The following HMGA2 variants were observed in gnomAD, a reference collection of about 807,000 sequenced individuals.
HMGA2 encodes the protein high mobility group protein HMGI-C.
HMGA2 carries 8 observed loss-of-function variants against 19.1 expected under a neutral mutation model. The ratio of observed to expected loss-of-function variants is 0.42; its 90% CI spans 0.25 to 0.76. The LOEUF (loss-of-function observed/expected upper bound fraction) is 0.76. Among genes scored for constraint, HMGA2 ranks in the 30% least tolerant of loss-of-function variants. The probability of loss-of-function intolerance (pLI) is 0.28; values close to 1 mark genes in which losing one functional copy is unlikely to be tolerated. For synonymous variants in HMGA2, 60 were observed against 48.8 expected, an observed-to-expected ratio of 1.23 and a Z score of -0.96; for missense variants, 109 against 136.3, an observed-to-expected ratio of 0.80 and a Z score of 1.00.
intron 2 of HMGA2, among the ~76,000 whole-genome samples, chr12:65,837,175 C>T (rs1287237677): frequency 6.6e-6 from 1 of 152,152 alleles, no homozygotes; most frequent in Non-Finnish European, 1.5e-5. Context: ...ATTTTAAATG[C>T]TCAATATTTG....
At chr12:65,922,283 A>T (rs372677705) in intron 3 of HMGA2, among the ~76,000 whole-genome samples, 8 of 152,258 alleles carry the variant, frequency 5.3e-5, no homozygotes, top group Admixed American at 2.0e-4. Context: ...GCTGGGAGGG[A>T]GGCTGTACCC....
At chr12:65,837,688 T>G (rs1459737513) in intron 2 of HMGA2, among the ~76,000 whole-genome samples, 2 of 152,220 alleles carry the variant, frequency 1.3e-5, no homozygotes, top group African/African-American at 4.8e-5. Context: ...ACGGAAAAAC[T>G]AATTGCTTTA....
chr12:65,865,237 G>A (rs1283791038), intron 3 of HMGA2, among the ~76,000 whole-genome samples: 1 of 152,122 alleles, frequency 6.6e-6, no homozygotes, highest in East Asian at 1.9e-4. Flanking sequence ...TCAACAGTAG[G>A]CTATTAGCAG....
At chr12:65,939,551 T>A (rs1275634007) in intron 3 of HMGA2, among the ~76,000 whole-genome samples, 1 of 152,182 alleles carries the variant, frequency 6.6e-6, no homozygotes, top group Non-Finnish European at 1.5e-5. Flanking sequence ...AGATGGGGTT[T>A]CACCATGTTG....
chr12:65,897,622 T>C (rs1392357673), intron 3 of HMGA2, among the ~76,000 whole-genome samples: 1 of 151,876 alleles, frequency 6.6e-6, no homozygotes, highest in East Asian at 1.9e-4. Context: ...GAATGTTAGG[T>C]TAAGGGAGGA....
chr12:65,929,411 A>G (rs887191878), intron 3 of HMGA2, among the ~76,000 whole-genome samples: 13 of 151,910 alleles, frequency 8.6e-5, no homozygotes, highest in African/African-American at 2.7e-4. Context: ...TTGAAAAAAA[A>G]GTATCGACTT....
At chr12:65,954,679 G>A (rs1321879029) in intron 4 of HMGA2, 3 of 152,294 alleles carry the variant, frequency 2.0e-5, no homozygotes, top group Admixed American at 2.0e-4. Context: ...CCTGTTGCAG[G>A]GGTTTGTGTT....
intron 3 of HMGA2, chr12:65,842,518 C>A: frequency 8.6e-7 from 1 of 1,159,528 alleles, no homozygotes; most frequent in Non-Finnish European, 1.2e-6. Flanking sequence ...TATATTTATG[C>A]TGAATATTAA....
At chr12:65,887,823 G>C (rs1873723262) in intron 3 of HMGA2, among the ~76,000 whole-genome samples, 1 of 151,294 alleles carries the variant, frequency 6.6e-6, no homozygotes, top group Non-Finnish European at 1.5e-5. Context: ...TGCGTCATTA[G>C]GAGCTTTACA....
intron 3 of HMGA2, chr12:65,873,957 A>G (rs1872841257): frequency 6.6e-6 from 1 of 152,254 alleles, no homozygotes; most frequent in Non-Finnish European, 1.5e-5. Context: ...GAGGTATGCC[A>G]ATTAATGGCC....
At chr12:65,843,428 G>T (rs756293586) in intron 3 of HMGA2, 36 of 200,286 alleles carry the variant, frequency 1.8e-4, no homozygotes, top group Admixed American at 3.6e-4. Flanking sequence ...GACAGCAAGG[G>T]TTTTTTTCCC....
intron 3 of HMGA2, among the ~76,000 whole-genome samples, chr12:65,891,132 A>G (rs1479252559): frequency 6.6e-6 from 1 of 152,208 alleles, no homozygotes; most frequent in Non-Finnish European, 1.5e-5. Flanking sequence ...TGTAAAGTAT[A>G]GAAACTCAGC....
chr12:65,920,139 G>A (rs1185881754), intron 3 of HMGA2, among the ~76,000 whole-genome samples: 2 of 152,096 alleles, frequency 1.3e-5, no homozygotes, highest in African/African-American at 2.4e-5. Context: ...TTTAGTGGTG[G>A]GGGAGTTCTT....
intron 3 of HMGA2, among the ~76,000 whole-genome samples, chr12:65,885,427 T>C (rs1298465635): frequency 1.3e-5 from 2 of 152,278 alleles, no homozygotes; most frequent in South Asian, 2.1e-4. Context: ...AAATGCTGGG[T>C]TTTAGTTTTA....
At chr12:65,946,062 C>A (rs1405109021) in intron 3 of HMGA2, among the ~76,000 whole-genome samples, 2 of 152,066 alleles carry the variant, frequency 1.3e-5, no homozygotes, top group Admixed American at 6.6e-5. Context: ...AACAGATGAT[C>A]CTGTGAGATG....
chr12:65,875,117 G>C (rs541525006), intron 3 of HMGA2, among the ~76,000 whole-genome samples: 1 of 150,636 alleles, frequency 6.6e-6, no homozygotes, highest in Non-Finnish European at 1.5e-5. Flanking sequence ...ATTTATTAGA[G>C]TTAATACAAG....
intron 4 of HMGA2, among the ~76,000 whole-genome samples, chr12:65,959,014 G>C (rs1160069768): frequency 5.3e-5 from 8 of 152,220 alleles, no homozygotes. Context: ...CAGACCTGCT[G>C]TTTAGTCTGC....
intron 3 of HMGA2, among the ~76,000 whole-genome samples, chr12:65,870,591 G>A (rs1178413092): frequency 1.1e-4 from 16 of 152,160 alleles, no homozygotes; most frequent in African/African-American, 1.4e-4. Flanking sequence ...TTAGCCAGGC[G>A]TGGTGGCACA....
At chr12:65,846,690 C>G (rs952536386) in intron 3 of HMGA2, among the ~76,000 whole-genome samples, 1 of 152,096 alleles carries the variant, frequency 6.6e-6, no homozygotes, top group Admixed American at 6.5e-5. Context: ...TCATTTAAAC[C>G]CTAGAGTTCC....
Sources: gnomAD v4.1 joint callset for allele counts (sites outside exome capture counted in the v4.1 genomes callset) on GRCh38, gnomAD v4.1.1 for gene constraint, MANE v1.5 for transcripts, NCBI Gene and HGNC (gene_info 2026-07-23, HGNC 2026-07-21) for gene names.